Variants in DLEU7 observed in about 807,000 individuals in gnomAD.
DLEU7 encodes deleted in lymphocytic leukemia 7, also known as leukemia-associated protein 7.
Under a neutral mutation model 16.0 loss-of-function variants are expected in DLEU7, and 17 were observed. That is an observed-to-expected ratio of 1.06 (90% CI 0.73 to 1.59). The LOEUF is 1.59. Among genes scored for constraint, DLEU7 ranks in the 40% most tolerant of loss-of-function variants. DLEU7 has a pLI of 0.00. For missense variants in DLEU7, 308 were observed against 314.9 expected (o/e 0.98, Z 0.17); for synonymous variants, 113 against 139.8 (o/e 0.81, Z 1.35).
At chr13:50,748,228 C>CTTTTTTTTTTTT (rs71085044) in intron 1 of DLEU7, among the ~76,000 whole-genome samples, 29 of 89,216 alleles carry the variant, frequency 3.3e-4, no homozygotes, top group Admixed American at 6.4e-4. Flanking sequence ...ACTCCTTAAA[C>CTTTTTTTTTTTT]TTTTTTTTTT....
At chr13:50,815,622 GC>G (rs962039635) in intron 1 of DLEU7, among the ~76,000 whole-genome samples, 41 of 152,208 alleles carry the variant, frequency 2.7e-4, no homozygotes, top group African/African-American at 9.6e-4. Flanking sequence ...TTTGAGCTAG[GC>G]CCAAGAAATG....
intron 1 of DLEU7, among the ~76,000 whole-genome samples, chr13:50,777,103 C>T (rs1875524397): frequency 1.3e-5 from 2 of 152,166 alleles, no homozygotes; most frequent in South Asian, 4.1e-4. Flanking sequence ...CACTACAGCA[C>T]CCTACAGACT....
At chr13:50,798,112 A>T (rs1876151227) in intron 1 of DLEU7, among the ~76,000 whole-genome samples, 1 of 152,202 alleles carries the variant, frequency 6.6e-6, no homozygotes, top group African/African-American at 2.4e-5. Context: ...TGCAGGTGGT[A>T]TGCCATTTTG....
intron 1 of DLEU7, among the ~76,000 whole-genome samples, chr13:50,750,737 T>C (rs1359658378): frequency 6.6e-6 from 1 of 152,216 alleles, no homozygotes; most frequent in Non-Finnish European, 1.5e-5. Flanking sequence ...GATTTGATTC[T>C]CTTCTTGGTA....
chr13:50,796,648 C>T (rs9634836), intron 1 of DLEU7, among the ~76,000 whole-genome samples: 23,903 of 152,008 alleles, frequency 0.16, 2,378 homozygotes, highest in East Asian at 0.28. Flanking sequence ...CATGTGACTC[C>T]ACTCCCACTC....
rs559870252 is a variant in DLEU7, at chr13:50,791,745, A to G, written c.459+51443T>C. ...TCTATTTAAAATGAGAAAAGAAACC[A>G]CAGCAAATGACAATTTTAAAGATCT... On this transcript the variant is annotated intron_variant, in intron 1 of 1. Coordinates refer to the DLEU7 transcript ENST00000400393. Among the ~76,000 whole-genome samples, 7 of 152,294 alleles carry G rather than the reference A, an allele frequency of 4.6e-5. No individual in the cohort carries two copies. The South Asian group carries it at 1.2e-3, about 27-fold the overall frequency.
chr13:50,789,106 G>C (rs1214899981), intron 1 of DLEU7, among the ~76,000 whole-genome samples: 1 of 152,002 alleles, frequency 6.6e-6, no homozygotes, highest in East Asian at 1.9e-4. Flanking sequence ...AAGGTTGTCT[G>C]TTTTCTGCAT....
Position 50,754,818 on chromosome 13 carries a change from G to T in DLEU7, c.460-41578C>A, listed in dbSNP as rs943544193. Among the ~76,000 whole-genome samples, 26 of 152,152 alleles carry T rather than the reference G, an allele frequency of 1.7e-4. 1 individual carries two copies. Among genetic ancestry groups the T allele is most frequent in the Admixed American group, 2.0e-4 (3 of 15,288 alleles). On this transcript the variant is annotated intron_variant, in intron 1 of 1. Coordinates refer to the DLEU7 transcript ENST00000400393. ...TTATACCTTAAAGAGGTTCTGTTTT[G>T]ATGTGTTTCCAGGATTTGCTTCAAG... is the stretch of plus-strand genomic sequence containing the variant.
intron 1 of DLEU7, among the ~76,000 whole-genome samples, chr13:50,715,959 G>A (rs1196310608): frequency 1.3e-5 from 2 of 152,232 alleles, no homozygotes; most frequent in Non-Finnish European, 2.9e-5. Context: ...GCCATGCACT[G>A]CTTCCCCTCC....
At chr13:50,720,240 A>AG (rs1459574183) in intron 1 of DLEU7, among the ~76,000 whole-genome samples, 3 of 152,202 alleles carry the variant, frequency 2.0e-5, no homozygotes, top group Non-Finnish European at 4.4e-5. Context: ...TCATGTGGCA[A>AG]GCTGAGAGTC....
intron 1 of DLEU7, among the ~76,000 whole-genome samples, chr13:50,777,567 AC>A (rs1252447044): frequency 1.3e-5 from 2 of 152,092 alleles, no homozygotes; most frequent in African/African-American, 4.8e-5. Flanking sequence ...TCCTTAATAA[AC>A]CCATGTATAT....
intron 1 of DLEU7, among the ~76,000 whole-genome samples, chr13:50,825,038 G>C (rs1438607765): frequency 1.3e-5 from 2 of 152,114 alleles, no homozygotes; most frequent in East Asian, 3.8e-4. Flanking sequence ...GTGGCAAATG[G>C]TGTCGAGATG....
rs544414595 is a variant in DLEU7 at position 50,717,218 on chromosome 13, C to T, written c.460-3978G>A. Among the ~76,000 whole-genome samples, 4 of 152,300 alleles carry T rather than the reference C, an allele frequency of 2.6e-5. No individual in the cohort carries two copies. In the East Asian group the frequency reaches 5.8e-4, roughly 22 times the overall value. ...CTTGAGGCCATCATATGACTATCCA[C>T]TCCCAGTGAATTTGCTATATACAAG... On this transcript the variant is annotated intron_variant, in intron 1 of 1. Transcript: ENST00000400393.
intron 1 of DLEU7, among the ~76,000 whole-genome samples, chr13:50,807,372 AT>A (rs913355202): frequency 6.6e-6 from 1 of 151,996 alleles, no homozygotes; most frequent in African/African-American, 2.4e-5. Context: ...AAACAAACAA[AT>A]TTTTTAAAAG....
At chr13:50,773,781 G>T (rs938116763) in intron 1 of DLEU7, among the ~76,000 whole-genome samples, 4 of 152,220 alleles carry the variant, frequency 2.6e-5, no homozygotes. Flanking sequence ...CAAACTCCGT[G>T]CTGGGAGAAC....
chr13:50,841,302 C>T (rs1026623709), intron 1 of DLEU7, among the ~76,000 whole-genome samples: 2 of 152,166 alleles, frequency 1.3e-5, no homozygotes, highest in Non-Finnish European at 2.9e-5. Context: ...ACTGTAGTTC[C>T]TCTAGAGCCT....
At chr13:50,713,183 C>A in exon 2 of DLEU7, 2 of 1,607,144 alleles carry the variant, frequency 1.2e-6, no homozygotes, top group Non-Finnish European at 1.7e-6. Context: ...ATATGAAGCT[C>A]CTGATGGTCC....
chr13:50,732,906 G>A (rs544801979), intron 1 of DLEU7, among the ~76,000 whole-genome samples: 2 of 152,274 alleles, frequency 1.3e-5, no homozygotes, highest in South Asian at 2.1e-4. Flanking sequence ...GAGGCTCCCT[G>A]AGCAGATATG....
intron 1 of DLEU7, among the ~76,000 whole-genome samples, chr13:50,815,738 A>G: frequency 6.6e-6 from 1 of 152,140 alleles, no homozygotes; most frequent in East Asian, 1.9e-4. Context: ...ATTTAATGGT[A>G]CAACATTTTC....
Sources: gnomAD v4.1 joint callset for allele counts (sites outside exome capture counted in the v4.1 genomes callset) on GRCh38, gnomAD v4.1.1 for gene constraint, MANE v1.5 for transcripts, NCBI Gene and HGNC (gene_info 2026-07-23, HGNC 2026-07-21) for gene names.